Variants in COPS3 observed in about 807,000 individuals in gnomAD.
The protein encoded by COPS3 is COP9 signalosome subunit 3.
Under a neutral mutation model 58.2 loss-of-function variants are expected in COPS3, and 10 were observed. The observed-to-expected ratio is 0.17, with a 90% CI of 0.11 to 0.29. The LOEUF is 0.29. Among genes scored for constraint, COPS3 ranks in the 10% least tolerant of loss-of-function variants. COPS3 has a pLI of 1.00. For synonymous variants in COPS3, 187 were observed against 181.7 expected (o/e 1.03, Z -0.24); for missense variants, 333 against 510.1 (o/e 0.65, Z 3.34).
intron 9 of COPS3, 45 bp downstream of exon 9, chr17:17,254,814 G>GAAA (rs71152853): frequency 0.037 from 30,361 of 811,824 alleles, 294 homozygotes; most frequent in African/African-American, 0.06. Context: ...ATCTCAAAAA[G>GAAA]AAAAAAAAAA....
chr17:17,252,005 C>T (rs756579386), intron 9 of COPS3, among the ~76,000 whole-genome samples: 11 of 151,702 alleles, frequency 7.3e-5, no homozygotes, highest in East Asian at 5.9e-4. Context: ...GGAGGTGGAG[C>T]TTGCAGTGAG....
At chr17:17,280,931 G>A (rs1418592418) in intron 1 of COPS3, among the ~76,000 whole-genome samples, 2 of 152,206 alleles carry the variant, frequency 1.3e-5, no homozygotes, top group African/African-American at 4.8e-5. Flanking sequence ...GCCGGCCGGC[G>A]AGGACAGCGG....
Position 17,270,698 on chromosome 17 carries a change from A to C in COPS3, c.348+60T>G, listed in dbSNP as rs1359352050. The C allele has an allele frequency of 2.2e-6, 3 of 1,389,802 alleles. No individual in the cohort carries two copies. The East Asian group carries it at 7.4e-5, about 34-fold the overall frequency. 86.1% of individuals were successfully genotyped at this position (1,389,802 alleles called of 1,614,324 possible). A position where few individuals can be genotyped will look rare whatever the true frequency, so the allele number is the denominator to read the frequency against. On this transcript the variant is annotated intron_variant, in intron 4 of 11. Coordinates refer to ENST00000268717, the MANE Select transcript of COPS3 (RefSeq NM_003653.4). Reference sequence around the variant, plus strand: ...AACTGGAATCTTGATAAAGTAATTCATTGTGTAAGCTAGTTACATATTATA... The same window carrying C: ...AACTGGAATCTTGATAAAGTAATTCCTTGTGTAAGCTAGTTACATATTATA...
At chr17:17,256,188 T>A (rs964806913) in intron 8 of COPS3, among the ~76,000 whole-genome samples, 6 of 151,004 alleles carry the variant, frequency 4.0e-5, no homozygotes, top group Non-Finnish European at 8.9e-5. Context: ...CAAAAAAAAA[T>A]AAAAAAATAA....
rs1040043999 is a variant in COPS3, at chr17:17,280,889, G to T, written c.55+243C>A. 6.1e-6 allele frequency: 6 copies of T among 990,444 alleles called. No homozygotes were observed. The Admixed American group carries it at 1.3e-4, about 21-fold the overall frequency. 61.4% of individuals were successfully genotyped at this position (990,444 alleles called of 1,614,324 possible). A position where few individuals can be genotyped will look rare whatever the true frequency, so the allele number is the denominator to read the frequency against. On this transcript the variant is annotated intron_variant, in intron 1 of 11. Transcript: ENST00000268717. The stretch of plus-strand genomic sequence containing the variant: ...CGGTGGAAGGGGCCCAGGCCGGGGG[G>T]AGGGGGCTCCCGGCGGCCCGAGGGA...
intron 8 of COPS3, among the ~76,000 whole-genome samples, chr17:17,257,185 G>A (rs564429892): frequency 6.6e-6 from 1 of 152,024 alleles, no homozygotes; most frequent in South Asian, 2.1e-4. Context: ...CCAACATGGC[G>A]AAACCCCGTG....
chr17:17,280,556 G>A (rs1433198328), intron 1 of COPS3: 25 of 1,260,916 alleles, frequency 2.0e-5, no homozygotes, highest in South Asian at 3.9e-5. Flanking sequence ...AAACAAAGAA[G>A]AAGAAATGGA....
intron 6 of COPS3, among the ~76,000 whole-genome samples, chr17:17,263,060 G>A (rs934671924): frequency 4.0e-5 from 6 of 151,694 alleles, no homozygotes; most frequent in South Asian, 2.1e-4. Context: ...AGGCCGAGGC[G>A]GGCGGATCAC....
chr17:17,255,163 G>T, intron 8 of COPS3: 1 of 382,678 alleles, frequency 2.6e-6, no homozygotes, highest in Non-Finnish European at 4.8e-6. Context: ...TAGCTGGTAT[G>T]GTGGTGCACG....
At chr17:17,265,393 A>T (rs1000990154) in intron 5 of COPS3, among the ~76,000 whole-genome samples, 1 of 150,850 alleles carries the variant, frequency 6.6e-6, no homozygotes, top group Non-Finnish European at 1.5e-5. Flanking sequence ...AGAAAAAAAC[A>T]GCATTACCTT....
rs149263049 is a variant in COPS3, at chr17:17,281,175, G to A, written c.12C>T (p.Ala4=). 47 of 1,611,294 alleles carry A rather than the reference G, an allele frequency of 2.9e-5. No individual in the cohort carries two copies. The highest frequency in any genetic ancestry group is 2.8e-4 in the Admixed American group (17 of 59,658). The part of the protein sequence containing the change: MAS[A]LEQFVNSVRQ... ...GGACACTGTTCACGAACTGCTCCAG[G>A]GCAGACGCCATGTTTTCCCCCGGGC... The change falls in exon 1 of 12, where the codon GCC becomes GCT. Residue 4 remains alanine, a synonymous_variant. Transcript: ENST00000268717.
chr17:17,250,254 C>CTT lies in COPS3; in HGVS notation c.1024-1217_1024-1216dup, dbSNP rs113179216. 3.8e-3 allele frequency among the ~76,000 whole-genome samples: 486 copies of CTT among 127,612 alleles called. 10 individuals carry two copies. Among genetic ancestry groups the CTT allele is most frequent in the Middle Eastern group, 8.4e-3 (2 of 238 alleles). The allele number at this position is 127,612 out of a possible 152,430, so 83.7% of individuals were successfully genotyped here. ...TGCACTGAAATATAACTTACATCGC[C>CTT]TTTTTTTTTTTTTTTTTTGAGATGG... is the stretch of plus-strand genomic sequence containing the variant. On this transcript the variant is annotated intron_variant, in intron 9 of 11. Transcript: ENST00000268717.
At chr17:17,247,371 G>C (rs2047746489) in intron 11 of COPS3, 109 bp downstream of exon 11, 5 of 1,112,980 alleles carry the variant, frequency 4.5e-6, no homozygotes, top group Non-Finnish European at 6.7e-6. Context: ...GTACTGGTAA[G>C]GTTTTCAAGA....
intron 8 of COPS3, among the ~76,000 whole-genome samples, chr17:17,257,090 G>A (rs1348975663): frequency 1.3e-5 from 2 of 152,232 alleles, no homozygotes; most frequent in South Asian, 2.1e-4. Context: ...TAGGCCAGGC[G>A]CGGTGGCTCA....
intron 2 of COPS3, among the ~76,000 whole-genome samples, chr17:17,272,934 A>G (rs1275360370): frequency 1.3e-5 from 2 of 152,244 alleles, no homozygotes; most frequent in Non-Finnish European, 2.9e-5. Flanking sequence ...ATCCAAAGCA[A>G]CATTGCTTAG....
At position 17,246,897 on chromosome 17, in the gene COPS3, G is replaced by C; in HGVS notation, c.*201C>G. The C allele has an allele frequency of 1.7e-6, 1 of 587,446 alleles. No individual in the cohort carries two copies. The highest frequency in any genetic ancestry group is 3.1e-6 in the Non-Finnish European group (1 of 326,234). The allele number at this position is 587,446 out of a possible 1,614,324, so 36.4% of individuals were successfully genotyped here. A position where few individuals can be genotyped will look rare whatever the true frequency, so the allele number is the denominator to read the frequency against. On this transcript the variant is annotated 3_prime_UTR_variant, in exon 12 of 12. Transcript: ENST00000268717. ...TCTGAGGATAAATAAATCCACGACA[G>C]ACTTTAAAGTTTGCAAATCTGTTTC...
chr17:17,271,830 C>CTATA (rs1304508947), intron 2 of COPS3, among the ~76,000 whole-genome samples: 168 of 75,900 alleles, frequency 2.2e-3, no homozygotes, highest in Middle Eastern at 5.7e-3. Context: ...AAAAAAAAAT[C>CTATA]TATATATATC....
intron 8 of COPS3, among the ~76,000 whole-genome samples, chr17:17,258,631 T>C (rs2048030160): frequency 6.6e-6 from 1 of 151,678 alleles, no homozygotes; most frequent in Non-Finnish European, 1.5e-5. Flanking sequence ...TTTTAATGGC[T>C]ACCTCTTGAT....
intron 1 of COPS3, 72 bp downstream of exon 1, chr17:17,281,060 G>A: frequency 6.6e-7 from 1 of 1,521,208 alleles, no homozygotes; most frequent in South Asian, 1.2e-5. Context: ...CCAGCCGTCC[G>A]TGCTGGCGCC....
Sources: gnomAD v4.1 joint callset for allele counts (sites outside exome capture counted in the v4.1 genomes callset) on GRCh38, gnomAD v4.1.1 for gene constraint, MANE v1.5 for transcripts, NCBI Gene and HGNC (gene_info 2026-07-23, HGNC 2026-07-21) for gene names.